Variants in POLD1 observed in about 807,000 individuals in gnomAD.
The protein encoded by POLD1 is DNA polymerase delta 1, catalytic subunit.
A neutral mutation model predicts 129.7 loss-of-function variants in POLD1; 79 were observed. That is an observed-to-expected ratio of 0.61 (90% CI 0.51 to 0.73). The LOEUF is 0.73. Ranked by LOEUF, POLD1 falls within the 30% of genes least tolerant of loss-of-function variation. The pLI is 0.00. For missense variants in POLD1, 1,338 were observed against 1,595.8 expected (o/e 0.84, Z 2.75); for synonymous variants, 714 against 683.3 (o/e 1.04, Z -0.70).
chr19:50,388,093 C>T (rs1249635850), intron 1 of POLD1, among the ~76,000 whole-genome samples: 2 of 152,160 alleles, frequency 1.3e-5, no homozygotes, highest in African/African-American at 2.4e-5. Flanking sequence ...TTCCAAGATC[C>T]CATTTATAGG....
chr19:50,415,335 C>T (rs1601242553), intron 20 of POLD1, 103 bp from the exon 21 acceptor site: 2 of 1,215,558 alleles, frequency 1.6e-6, no homozygotes, highest in Admixed American at 1.9e-5. Context: ...CCCTGAGCCT[C>T]AGCCCTAAGA....
chr19:50,401,512 A>C (rs958406233), intron 3 of POLD1, among the ~76,000 whole-genome samples: 2 of 150,534 alleles, frequency 1.3e-5, no homozygotes, highest in Non-Finnish European at 3.0e-5. Flanking sequence ...AAGCACTGGA[A>C]TCACAGGTGT....
intron 14 of POLD1, among the ~76,000 whole-genome samples, chr19:50,407,656 T>G (rs2122349143): frequency 1.3e-5 from 2 of 151,224 alleles, no homozygotes; most frequent in African/African-American, 4.9e-5. Context: ...CCTCCCGGGT[T>G]CACGCCATTC....
At chr19:50,391,904 C>T (rs3219325) in intron 1 of POLD1, among the ~76,000 whole-genome samples, 16,799 of 151,716 alleles carry the variant, frequency 0.11, 1,066 homozygotes, top group South Asian at 0.21. Context: ...TTAGTATAGA[C>T]GGGGTTTTCA....
Position 50,415,579 on chromosome 19 carries a change from G to T in POLD1, c.2706G>T (p.Glu902Asp). ...ATGCCGGCAAGCAGGCCCACGTGGA[G>T]CTGGCCGAGAGGTCCTGCGCGGGGC... The part of the protein sequence containing the change: ...SDYAGKQAHV[E>D]LAERMRKRDP... The change falls in exon 21 of 27, where the codon GAG becomes GAT. Residue 902 changes from glutamate to aspartate, a missense_variant. Physicochemically the swap from Glu to Asp is conservative, Grantham distance 45. Coordinates refer to ENST00000440232, the MANE Select transcript of POLD1 (RefSeq NM_002691.4). 6.2e-7 allele frequency: 1 copy of T among 1,611,602 alleles called. No individual in the cohort carries two copies. The highest frequency in any genetic ancestry group is 1.3e-5 in the African/African-American group (1 of 75,038).
chr19:50,402,882 G>T, intron 8 of POLD1, 141 bp downstream of exon 8: 1 of 1,353,342 alleles, frequency 7.4e-7, no homozygotes. Context: ...GATGGAGTGA[G>T]CACAGAGGGT....
At chr19:50,402,589 C>A (rs766248533) in intron 7 of POLD1, 23 bp from the exon 8 acceptor site, 3 of 1,570,400 alleles carry the variant, frequency 1.9e-6, no homozygotes, top group South Asian at 2.3e-5. Flanking sequence ...CTGCTGCCAC[C>A]GCTGACCCAC....
At chr19:50,393,046 T>C (rs1285814503) in intron 1 of POLD1, among the ~76,000 whole-genome samples, 1 of 152,236 alleles carries the variant, frequency 6.6e-6, no homozygotes. Flanking sequence ...TTTCAAACGA[T>C]GCTTCCGGAA....
intron 26 of POLD1, 143 bp from the exon 27 acceptor site, chr19:50,417,699 T>G (rs2039380325): frequency 9.0e-6 from 1 of 111,142 alleles, no homozygotes; most frequent in Middle Eastern, 3.5e-3. Context: ...CCGTGCCTGC[T>G]GAGCAAACAG....
At position 50,406,085 on chromosome 19, in the gene POLD1, T is replaced by G. The variant is rs2122312302; in HGVS notation, c.1243-97T>G. The G allele has an allele frequency of 4.2e-6, 6 of 1,443,344 alleles. No individual in the cohort carries two copies. The highest frequency in any genetic ancestry group is 4.8e-6 in the Non-Finnish European group (5 of 1,051,710). The allele number at this position is 1,443,344 out of a possible 1,614,324, so 89.4% of individuals were successfully genotyped here. On this transcript the variant is annotated intron_variant, in intron 10 of 26. Transcript: ENST00000440232. This position sits in a 1 kb window ranked among gnomAD's most constrained non-coding sequence, Gnocchi z 5.5. ...CAGGGTTGCTCTCGACCCCCTAGGG[T>G]TGTTATAAGGATGTTGTGGTTGGTC... is the stretch of plus-strand genomic sequence containing the variant.
chr19:50,403,608 G>T lies in POLD1; in HGVS notation c.1242+11G>T, dbSNP rs2038752815. ...GCCCAGACCCTCAAGGTGAGGGCTG[G>T]GCAGGTGGGAGGCTTCTCTCAGATG... On this transcript the variant is annotated intron_variant, in intron 10 of 26. Transcript: ENST00000440232. The T allele has an allele frequency of 3.2e-6, 5 of 1,580,026 alleles. No individual in the cohort carries two copies. The highest frequency in any genetic ancestry group is 1.7e-4 in the Middle Eastern group (1 of 6,020).
intron 1 of POLD1, among the ~76,000 whole-genome samples, chr19:50,393,610 G>A (rs1311822508): frequency 6.6e-6 from 1 of 152,154 alleles, no homozygotes; most frequent in Non-Finnish European, 1.5e-5. Context: ...AGGCTGCAGT[G>A]AGCTGAGATC....
intron 22 of POLD1, 28 bp from the exon 23 acceptor site, chr19:50,416,368 C>T: frequency 1.3e-6 from 2 of 1,546,366 alleles, no homozygotes; most frequent in South Asian, 1.2e-5. Context: ...TCCCTGGCTG[C>T]CCGGGTGTGA....
Position 50,416,944 on chromosome 19 carries a change from C to T in POLD1, c.3068-101C>T, listed in dbSNP as rs952115357. 6 of 1,302,564 alleles carry T rather than the reference C, an allele frequency of 4.6e-6. No individual in the cohort carries two copies. In the East Asian group the frequency reaches 1.0e-4, roughly 22 times the overall value. 80.7% of individuals were successfully genotyped at this position (1,302,564 alleles called of 1,614,324 possible). ...GCACACTTGCTCCGTTGTTCTCCAG[C>T]CTCTGGGGACTTTCAGAAGCTGGGA... On this transcript the variant is annotated intron_variant, in intron 24 of 26. Coordinates refer to ENST00000440232, the MANE Select transcript of POLD1 (RefSeq NM_002691.4).
Position 50,406,657 on chromosome 19 carries a change from C to A in POLD1, c.1494+140C>A, listed in dbSNP as rs1852924150. On this transcript the variant is annotated intron_variant, in intron 12 of 26. Transcript: ENST00000440232. This position sits in a 1 kb window ranked among gnomAD's most constrained non-coding sequence, Gnocchi z 5.5. ...TTATGACCTGTGACCTTACCTGACG[C>A]CCACTTTTTCCTGACCTCTGACCCC... The A allele has an allele frequency of 3.0e-6, 2 of 677,744 alleles. No homozygotes were observed. The highest frequency in any genetic ancestry group is 5.2e-6 in the Non-Finnish European group (2 of 384,482). 42.0% of individuals were successfully genotyped at this position (677,744 alleles called of 1,614,324 possible). A position where few individuals can be genotyped will look rare whatever the true frequency, so the allele number is the denominator to read the frequency against.
At position 50,402,314 on chromosome 19, in the gene POLD1, G is replaced by GGC. The variant is rs757320072; in HGVS notation, c.700_701dup (p.Gly235GlnfsTer42). The GGC allele has an allele frequency of 1.2e-6, 2 of 1,610,910 alleles. No individual in the cohort carries two copies. Among genetic ancestry groups the GGC allele is most frequent in the South Asian group, 2.2e-5 (2 of 90,808 alleles). ...GTCTCCTGGAACAGGGCATCCGTGT[G>GGC]GCAGGCCTGGGCACGCCCAGCTTCG... On this transcript the variant is annotated frameshift_variant, in exon 6 of 27. Coordinates refer to ENST00000440232, the MANE Select transcript of POLD1 (RefSeq NM_002691.4). LOFTEE classifies it high-confidence loss of function.
In POLD1 at chr19:50,416,410, G is replaced by A. The variant is rs2122490103; in HGVS notation, c.2835G>A (p.Val945=). The A allele has an allele frequency of 1.3e-6, 2 of 1,549,446 alleles. No homozygotes were observed. Among genetic ancestry groups the A allele is most frequent in the Non-Finnish European group, 1.7e-6 (2 of 1,147,228 alleles). Residue 945 remains valine (V), a synonymous_variant, in exon 23 of 27, where the codon GTG becomes GTA. Coordinates refer to ENST00000440232, the MANE Select transcript of POLD1 (RefSeq NM_002691.4). ...AYMKSEDPLF[V]LEHSLPIDTQ... ...TGTGGCCGCAGGACCCGCTGTTCGT[G>A]CTGGAGCACAGCCTGCCCATTGACA... is the stretch of plus-strand genomic sequence containing the variant.
Position 50,402,703 on chromosome 19 carries a change from G to C in POLD1, c.932G>C (p.Arg311Pro). The C allele has an allele frequency of 1.3e-6, 2 of 1,599,060 alleles. No homozygotes were observed. The highest frequency in any genetic ancestry group is 1.1e-5 in the South Asian group (1 of 90,422). Residue 311 changes from arginine (R) to proline (P), a missense_variant, in exon 8 of 27, where the codon CGC (arginine) becomes CCC (proline). This residue lies in a region of POLD1 where 720 missense variants were observed against 1,002.6 expected (regional missense o/e 0.72). Transcript: ENST00000440232. The part of the protein sequence containing the change: ...EGPWQRIAPL[R>P]VLSFDIECAG... ...CCATGGCAGCGCATTGCGCCCTTGC[G>C]CGTGCTCAGCTTCGATATCGAGTGC... is the stretch of plus-strand genomic sequence containing the variant.
intron 1 of POLD1, among the ~76,000 whole-genome samples, chr19:50,398,380 T>C (rs1372706259): frequency 4.0e-5 from 6 of 151,896 alleles, no homozygotes; most frequent in Non-Finnish European, 7.4e-5. Flanking sequence ...GAGACCAGCC[T>C]GGCCAACATG....
Sources: gnomAD v4.1 joint callset for allele counts (sites outside exome capture counted in the v4.1 genomes callset) on GRCh38, gnomAD v4.1.1 for gene constraint, gnomAD v4.1.1 regional missense constraint, Gnocchi (gnomAD v3.1) non-coding constraint, MANE v1.5 for transcripts, NCBI Gene and HGNC (gene_info 2026-07-23, HGNC 2026-07-21) for gene names.